The following CFAP299 variants were observed in gnomAD, a reference collection of about 807,000 sequenced individuals.
CFAP299 encodes the protein cilia- and flagella-associated protein 299.
Under a neutral mutation model 27.0 loss-of-function variants are expected in CFAP299, and 21 were observed. The ratio of observed to expected loss-of-function variants is 0.78; its 90% CI spans 0.55 to 1.12. The LOEUF is 1.12. Among genes scored for constraint, CFAP299 ranks in the 50% most tolerant of loss-of-function variants. CFAP299 has a pLI of 0.00. For missense variants in CFAP299, 310 were observed against 276.6 expected (o/e 1.12, Z -0.86); for synonymous variants, 104 against 98.1 (o/e 1.06, Z -0.36).
At chr4:80,819,291 A>G (rs1183970011) in intron 3 of CFAP299, among the ~76,000 whole-genome samples, 9 of 152,112 alleles carry the variant, frequency 5.9e-5, no homozygotes, top group Admixed American at 5.9e-4. Flanking sequence ...ATATTTGTAT[A>G]AAAGTATTTG....
intron 2 of CFAP299, among the ~76,000 whole-genome samples, chr4:80,428,734 T>C (rs1464408934): frequency 1.3e-5 from 2 of 148,500 alleles, no homozygotes; most frequent in Non-Finnish European, 3.0e-5. Context: ...GAGATGGGGG[T>C]TTTACCATGT....
chr4:80,641,199 A>G (rs1020162369), intron 3 of CFAP299, among the ~76,000 whole-genome samples: 4 of 152,052 alleles, frequency 2.6e-5, no homozygotes, highest in South Asian at 4.2e-4. Context: ...TTAGCTATAT[A>G]AACTATTTTT....
At chr4:80,902,671 G>A (rs1049355167) in intron 4 of CFAP299, among the ~76,000 whole-genome samples, 2 of 147,188 alleles carry the variant, frequency 1.4e-5, no homozygotes, top group African/African-American at 2.5e-5. Context: ...ATCAACCTTT[G>A]GTAAAGAAGA....
chr4:80,863,029 C>T (rs1732479158), intron 3 of CFAP299, among the ~76,000 whole-genome samples: 1 of 152,084 alleles, frequency 6.6e-6, no homozygotes, highest in Non-Finnish European at 1.5e-5. Context: ...TTCATTAGCG[C>T]ATTCAAGAGA....
rs1037912774 is a variant in CFAP299, at chr4:80,703,793, C to T, written c.333+120610C>T. Among the ~76,000 whole-genome samples the T allele has an allele frequency of 2.6e-5, 4 of 151,806 alleles. No individual in the cohort carries two copies. In the East Asian group the frequency reaches 7.7e-4, roughly 29 times the overall value. On this transcript the variant is annotated intron_variant, in intron 3 of 5. Transcript: ENST00000358105. Reference sequence around the variant, plus strand: ...AAGCATGTTATCCTTTTACACCATCCTGCCTTTGCTCTTCTATTTCTATGT... The same window carrying T: ...AAGCATGTTATCCTTTTACACCATCTTGCCTTTGCTCTTCTATTTCTATGT...
chr4:80,636,174 G>C (rs556269839), intron 3 of CFAP299, among the ~76,000 whole-genome samples: 1 of 152,208 alleles, frequency 6.6e-6, no homozygotes, highest in East Asian at 1.9e-4. Context: ...TAGAAGTACA[G>C]ACAGGGATTA....
At chr4:80,579,745 A>C (rs72659876) in intron 2 of CFAP299, among the ~76,000 whole-genome samples, 1,831 of 152,222 alleles carry the variant, frequency 0.012, 23 homozygotes, top group Non-Finnish European at 0.018. Flanking sequence ...TATATAATAA[A>C]ATGAAAAACT....
chr4:80,726,815 T>C (rs1005701992), intron 3 of CFAP299, among the ~76,000 whole-genome samples: 1 of 152,182 alleles, frequency 6.6e-6, no homozygotes, highest in Admixed American at 6.6e-5. Flanking sequence ...AAGATACAAA[T>C]CATGTTTTTA....
intron 3 of CFAP299, among the ~76,000 whole-genome samples, chr4:80,798,838 G>C (rs1202376963): frequency 1.3e-5 from 2 of 151,820 alleles, no homozygotes; most frequent in Non-Finnish European, 2.9e-5. Context: ...CACGAGCAGT[G>C]AATCAGAAAT....
intron 3 of CFAP299, among the ~76,000 whole-genome samples, chr4:80,805,336 G>T (rs1279950987): frequency 6.6e-6 from 1 of 152,020 alleles, no homozygotes; most frequent in East Asian, 1.9e-4. Flanking sequence ...TAATTTAAAA[G>T]AAAGGAACCA....
At chr4:80,591,337 A>T (rs1021290747) in intron 3 of CFAP299, among the ~76,000 whole-genome samples, 5 of 151,538 alleles carry the variant, frequency 3.3e-5, no homozygotes, top group Admixed American at 1.3e-4. Flanking sequence ...TTTAGCCGGG[A>T]TGGTCTCGAT....
intron 3 of CFAP299, among the ~76,000 whole-genome samples, chr4:80,618,021 G>A (rs1433952762): frequency 6.6e-6 from 1 of 152,092 alleles, no homozygotes; most frequent in Non-Finnish European, 1.5e-5. Flanking sequence ...ATCAAAATTG[G>A]AGGAATAAAA....
chr4:80,635,925 G>T (rs1039364309), intron 3 of CFAP299, among the ~76,000 whole-genome samples: 1 of 152,076 alleles, frequency 6.6e-6, no homozygotes, highest in Non-Finnish European at 1.5e-5. Flanking sequence ...TGACAATTGG[G>T]TAGTTTCACA....
intron 3 of CFAP299, among the ~76,000 whole-genome samples, chr4:80,740,806 C>A (rs1421857851): frequency 6.6e-6 from 1 of 152,200 alleles, no homozygotes; most frequent in African/African-American, 2.4e-5. Flanking sequence ...GTATAAGCCT[C>A]TCCTGGTGGT....
chr4:80,655,271 C>G (rs1428714019), intron 3 of CFAP299, among the ~76,000 whole-genome samples: 1 of 152,096 alleles, frequency 6.6e-6, no homozygotes, highest in Non-Finnish European at 1.5e-5. Context: ...GCTAAGCAAT[C>G]TCTCTAACAT....
intron 2 of CFAP299, among the ~76,000 whole-genome samples, chr4:80,468,927 A>G (rs1298545058): frequency 2.0e-5 from 3 of 151,970 alleles, no homozygotes; most frequent in Non-Finnish European, 4.4e-5. Context: ...TTTAGAAGAG[A>G]TAATATTTCT....
chr4:80,543,771 G>T (rs1459105589), intron 2 of CFAP299, among the ~76,000 whole-genome samples: 2 of 152,180 alleles, frequency 1.3e-5, no homozygotes, highest in Non-Finnish European at 2.9e-5. Context: ...TTATATTTGA[G>T]AATAAAGTCC....
intron 3 of CFAP299, among the ~76,000 whole-genome samples, chr4:80,748,675 AACTC>A (rs1724754267): frequency 1.3e-5 from 2 of 152,090 alleles, no homozygotes; most frequent in Admixed American, 6.5e-5. Flanking sequence ...ATTGTTTAGG[AACTC>A]ACTCACATTC....
intron 2 of CFAP299, among the ~76,000 whole-genome samples, chr4:80,571,512 G>T (rs766125575): frequency 2.0e-5 from 3 of 152,098 alleles, no homozygotes; most frequent in Admixed American, 2.0e-4. Context: ...GCAAGAAAGT[G>T]TATGTAGAAA....
Sources: allele counts gnomAD v4.1 joint callset (sites outside exome capture counted in the v4.1 genomes callset), GRCh38; gene constraint gnomAD v4.1.1; transcripts MANE v1.5; gene names NCBI Gene and HGNC (gene_info 2026-07-23, HGNC 2026-07-21).